Variants in BLVRA observed in about 807,000 individuals in gnomAD.
BLVRA encodes the protein biliverdin reductase A.
A neutral mutation model predicts 32.8 loss-of-function variants in BLVRA; 22 were observed. The observed-to-expected ratio is 0.67, with a 90% CI of 0.48 to 0.96. The LOEUF (loss-of-function observed/expected upper bound fraction) is 0.96, where lower values mean the gene tolerates loss of function less well. BLVRA is among the 40% of genes least tolerant of loss of function. The pLI is 0.00. For missense variants in BLVRA, 323 were observed against 358.1 expected (o/e 0.90, Z 0.79); for synonymous variants, 119 against 141.3 (o/e 0.84, Z 1.12).
At chr7:43,788,767 T>C (rs969680120) in intron 3 of BLVRA, among the ~76,000 whole-genome samples, 3 of 151,648 alleles carry the variant, frequency 2.0e-5, no homozygotes, top group African/African-American at 7.3e-5. Flanking sequence ...TCTGAGTAGC[T>C]GGGACTACAG....
At position 43,759,988 on chromosome 7, in the gene BLVRA, A is replaced by ATTTTTTTTTTTTTTTTTTTTTTTTTTTTT; in HGVS notation, c.-22+1275_-22+1276insTTTTTTTTTTTTTTTTTTTTTTTTTTTTT. Reference sequence around the variant, plus strand: ...TGTGTTTTCCCACATTTCATATGTAATTTTTTTTTTTTTTTTTTTTTGAGA... The same window carrying ATTTTTTTTTTTTTTTTTTTTTTTTTTTTT: ...TGTGTTTTCCCACATTTCATATGTAATTTTTTTTTTTTTTTTTTTTTTTTTTTTTTTTTTTTTTTTTTTTTTTTTTGAGA... On this transcript the variant is annotated intron_variant, in intron 1 of 7. Transcript: ENST00000265523. The ATTTTTTTTTTTTTTTTTTTTTTTTTTTTT allele has an allele frequency of 1.6e-5, 2 of 122,046 alleles. 1 individual carries two copies. The highest frequency in any genetic ancestry group is 3.3e-5 in the Non-Finnish European group (2 of 61,538). The allele number at this position is 122,046 out of a possible 1,614,324, so 7.6% of individuals were successfully genotyped here. A position where few individuals can be genotyped will look rare whatever the true frequency, so the allele number is the denominator to read the frequency against.
chr7:43,805,857 C>T (rs140025092), intron 7 of BLVRA, among the ~76,000 whole-genome samples: 101 of 152,222 alleles, frequency 6.6e-4, no homozygotes, highest in African/African-American at 2.3e-3. Context: ...TCAGCCTCCA[C>T]GCCTGGCCAC....
At chr7:43,785,723 G>A (rs532215060) in intron 2 of BLVRA, among the ~76,000 whole-genome samples, 16 of 152,270 alleles carry the variant, frequency 1.1e-4, no homozygotes, top group Middle Eastern at 3.4e-3. Context: ...AGAATCTCTC[G>A]CTTCAATATT....
chr7:43,765,293 C>G (rs1029251861), intron 1 of BLVRA, among the ~76,000 whole-genome samples: 2 of 152,028 alleles, frequency 1.3e-5, no homozygotes, highest in Non-Finnish European at 2.9e-5. Flanking sequence ...GCTCTGTTGC[C>G]CAAGCTGGAG....
At chr7:43,796,752 T>C (rs2095793290) in intron 5 of BLVRA, among the ~76,000 whole-genome samples, 1 of 152,140 alleles carries the variant, frequency 6.6e-6, no homozygotes, top group South Asian at 2.1e-4. Flanking sequence ...AGCAATCAAC[T>C]GAGTGAAAAA....
chr7:43,776,731 T>TGACATTA (rs2095761444), intron 2 of BLVRA, among the ~76,000 whole-genome samples: 2 of 152,216 alleles, frequency 1.3e-5, no homozygotes, highest in African/African-American at 2.4e-5. Context: ...TGTCTAATGT[T>TGACATTA]GACAGTGGGG....
intron 1 of BLVRA, among the ~76,000 whole-genome samples, chr7:43,770,663 G>A (rs1224933888): frequency 2.0e-5 from 3 of 151,976 alleles, no homozygotes; most frequent in Non-Finnish European, 4.4e-5. Context: ...AATGCTGAGG[G>A]TCCGGAGCGG....
At position 43,788,010 on chromosome 7, in the gene BLVRA, T is replaced by C. The variant is rs530389071; in HGVS notation, c.119T>C (p.Ile40Thr). 9.9e-6 allele frequency: 16 copies of C among 1,614,172 alleles called. No individual in the cohort carries two copies. In the East Asian group the frequency reaches 1.3e-4, roughly 13 times the overall value. The change falls in exon 3 of 8, where the codon ATT becomes ACT. Residue 40 changes from isoleucine (I) to threonine (T), a missense_variant. By Grantham distance (89) the Ile-to-Thr change is moderately conservative. Coordinates refer to ENST00000265523, the MANE Select transcript of BLVRA (RefSeq NM_000712.4). ...PHPSSAFLNL[I>T]GFVSRRELGS... Reference sequence around the variant, plus strand: ...CCTTCCTCAGCGTTCCTGAACCTGATTGGCTTCGTGTCGAGGTGGCTCACA... The same window carrying C: ...CCTTCCTCAGCGTTCCTGAACCTGACTGGCTTCGTGTCGAGGTGGCTCACA...
chr7:43,759,000 T>C (rs557546196), intron 1 of BLVRA, among the ~76,000 whole-genome samples: 3 of 152,172 alleles, frequency 2.0e-5, no homozygotes, highest in Non-Finnish European at 4.4e-5. Flanking sequence ...AAAAATTAAG[T>C]CTCCATTTCG....
intron 2 of BLVRA, among the ~76,000 whole-genome samples, chr7:43,782,412 G>A (rs1410649387): frequency 6.6e-6 from 1 of 152,230 alleles, no homozygotes; most frequent in East Asian, 1.9e-4. Flanking sequence ...AAAGCTGGGG[G>A]CTGCCAGGAT....
At chr7:43,800,691 C>T in intron 6 of BLVRA, 119 bp downstream of exon 6, 2 of 907,130 alleles carry the variant, frequency 2.2e-6, no homozygotes. Context: ...TGACTCAGGG[C>T]CACTTAATTT....
chr7:43,764,693 G>A (rs1052094715), intron 1 of BLVRA, among the ~76,000 whole-genome samples: 4 of 152,074 alleles, frequency 2.6e-5, no homozygotes, highest in Non-Finnish European at 5.9e-5. Flanking sequence ...TTTGCTTGCG[G>A]AGCCAGAAGA....
chr7:43,774,454 T>C (rs1261001665), intron 2 of BLVRA, among the ~76,000 whole-genome samples: 2 of 152,202 alleles, frequency 1.3e-5, no homozygotes, highest in Admixed American at 6.5e-5. Flanking sequence ...GTTGTAGATA[T>C]GCGGCATTAT....
intron 2 of BLVRA, among the ~76,000 whole-genome samples, chr7:43,785,876 T>A (rs2095776902): frequency 6.6e-6 from 1 of 152,192 alleles, no homozygotes; most frequent in Non-Finnish European, 1.5e-5. Flanking sequence ...ATAAAATCCT[T>A]AACTTCTGAA....
At chr7:43,766,219 G>A (rs2095747644) in intron 1 of BLVRA, among the ~76,000 whole-genome samples, 1 of 150,324 alleles carries the variant, frequency 6.7e-6, no homozygotes, top group Non-Finnish European at 1.5e-5. Flanking sequence ...CTGGGAGGCA[G>A]AGGTTGCAGT....
chr7:43,765,225 A>G (rs1470402107), intron 1 of BLVRA, among the ~76,000 whole-genome samples: 2 of 152,188 alleles, frequency 1.3e-5, no homozygotes, highest in African/African-American at 4.8e-5. Context: ...GCAATAATTC[A>G]GGAACTAACT....
At chr7:43,776,853 T>C (rs992290566) in intron 2 of BLVRA, among the ~76,000 whole-genome samples, 9 of 152,234 alleles carry the variant, frequency 5.9e-5, no homozygotes, top group Non-Finnish European at 1.2e-4. Context: ...ATATTTAGGA[T>C]AGTTAGCTCT....
chr7:43,806,926 T>C (rs1437177540), intron 7 of BLVRA, 51 bp from the exon 8 acceptor site: 2 of 1,608,850 alleles, frequency 1.2e-6, no homozygotes, highest in Non-Finnish European at 1.7e-6. Flanking sequence ...AGCACCCACT[T>C]GTGCTCTTGT....
chr7:43,781,590 C>T (rs1385107554), intron 2 of BLVRA, among the ~76,000 whole-genome samples: 5 of 152,182 alleles, frequency 3.3e-5, no homozygotes, highest in Non-Finnish European at 5.9e-5. Flanking sequence ...AAATGCCTCT[C>T]GACCTCCCAA....
Sources: allele counts gnomAD v4.1 joint callset (sites outside exome capture counted in the v4.1 genomes callset), GRCh38; gene constraint gnomAD v4.1.1; transcripts MANE v1.5; gene names NCBI Gene and HGNC (gene_info 2026-07-23, HGNC 2026-07-21).